KDM4B: variants seen among roughly 807,000 people sequenced by gnomAD.
The protein encoded by KDM4B is lysine-specific demethylase 4B.
A neutral mutation model predicts 125.2 loss-of-function variants in KDM4B; 32 were observed. The ratio of observed to expected loss-of-function variants is 0.26; its 90% CI spans 0.19 to 0.34. The LOEUF (loss-of-function observed/expected upper bound fraction) is 0.34. Among genes scored for constraint, KDM4B ranks in the 10% least tolerant of loss-of-function variants. KDM4B has a pLI of 1.00. For missense variants in KDM4B, 1,190 were observed against 1,577.7 expected, an observed-to-expected ratio of 0.75 and a Z score of 4.16; for synonymous variants, 721 against 677.9, an observed-to-expected ratio of 1.06 and a Z score of -0.99.
chr19:5,060,869 A>G lies in KDM4B; in HGVS notation c.627-10141A>G, dbSNP rs953469426. 2.6e-5 allele frequency among the ~76,000 whole-genome samples: 4 copies of G among 152,226 alleles called. No homozygotes were observed. The South Asian group carries it at 8.3e-4, about 31-fold the overall frequency. On this transcript the variant is annotated intron_variant, in intron 6 of 22. Transcript: ENST00000159111. ...GAAAAACATGGCAAACAACTCGCAC[A>G]TGACTTTGCGTTTTTGGCCTTGTCA...
At chr19:5,089,285 C>G (rs532505232) in intron 9 of KDM4B, among the ~76,000 whole-genome samples, 1 of 152,152 alleles carries the variant, frequency 6.6e-6, no homozygotes, top group African/African-American at 2.4e-5. Flanking sequence ...TCTGGAAGGC[C>G]GTCTGCCATG....
chr19:5,147,047 C>G (rs2039864622), intron 21 of KDM4B, among the ~76,000 whole-genome samples: 1 of 151,894 alleles, frequency 6.6e-6, no homozygotes, highest in Non-Finnish European at 1.5e-5. Flanking sequence ...ACACCCTCCG[C>G]CTGCCCCGGG....
chr19:5,143,863 G>T lies in KDM4B; in HGVS notation c.2551-104G>T. On this transcript the variant is annotated intron_variant, in intron 18 of 22. Transcript: ENST00000159111. The stretch of plus-strand genomic sequence containing the variant: ...CTGGGCAGAGCGCAGGGCCACTCCC[G>T]CGATGCCTCCCTTGAAGGCTGTGCC... 9.6e-6 allele frequency: 9 copies of T among 937,800 alleles called. No individual in the cohort carries two copies. The South Asian group carries it at 1.1e-4, about 12-fold the overall frequency. The allele number at this position is 937,800 out of a possible 1,614,324, so 58.1% of individuals were successfully genotyped here.
chr19:5,040,050 CG>C (rs1261578986), intron 4 of KDM4B, 39 bp downstream of exon 4: 8 of 1,570,346 alleles, frequency 5.1e-6, no homozygotes, highest in Non-Finnish European at 6.9e-6. Flanking sequence ...CCCCCGCCCC[CG>C]GGGGCACACC....
intron 9 of KDM4B, among the ~76,000 whole-genome samples, chr19:5,106,006 A>G (rs1024873013): frequency 2.0e-5 from 3 of 152,240 alleles, no homozygotes; most frequent in African/African-American, 7.2e-5. Flanking sequence ...TACTCCTACA[A>G]TTGAAAGAAC....
chr19:5,025,838 C>T (rs186459404), intron 2 of KDM4B, among the ~76,000 whole-genome samples: 1 of 152,242 alleles, frequency 6.6e-6, no homozygotes, highest in Non-Finnish European at 1.5e-5. Context: ...AAACCAACTT[C>T]ATTTGTCTTT....
At chr19:5,118,335 G>A (rs922874960) in intron 10 of KDM4B, among the ~76,000 whole-genome samples, 1 of 152,250 alleles carries the variant, frequency 6.6e-6, no homozygotes, top group African/African-American at 2.4e-5. Flanking sequence ...GGCGCTCCCA[G>A]CTCTGCCTGA....
At chr19:5,005,886 C>T (rs1020501993) in intron 1 of KDM4B, among the ~76,000 whole-genome samples, 1 of 152,076 alleles carries the variant, frequency 6.6e-6, no homozygotes, top group Non-Finnish European at 1.5e-5. Flanking sequence ...GGGCAGGGGT[C>T]GCCCCTGCAG....
intron 2 of KDM4B, among the ~76,000 whole-genome samples, chr19:5,029,555 G>A (rs531076855): frequency 6.6e-6 from 1 of 152,354 alleles, no homozygotes; most frequent in South Asian, 2.1e-4. Context: ...GGCTGGGCAT[G>A]ATGGCTCATC....
At chr19:5,052,354 G>GGGGTGGGGGTGGGGA (rs561186456) in intron 6 of KDM4B, among the ~76,000 whole-genome samples, 1 of 149,652 alleles carries the variant, frequency 6.7e-6, no homozygotes, top group South Asian at 2.1e-4. Context: ...CCAGACACTG[G>GGGGTGGGGGTGGGGA]GGGTGGGGGT....
At chr19:4,977,817 C>G (rs138861297) in intron 1 of KDM4B, among the ~76,000 whole-genome samples, 95 of 152,274 alleles carry the variant, frequency 6.2e-4, no homozygotes, top group African/African-American at 2.1e-3. Context: ...CCAGCCTCGG[C>G]GCCCTTGGGG....
chr19:5,056,421 T>G (rs1461091383), intron 6 of KDM4B, among the ~76,000 whole-genome samples: 1 of 151,442 alleles, frequency 6.6e-6, no homozygotes, highest in East Asian at 1.9e-4. Context: ...TTTTTTTTTT[T>G]TTGAGATGGA....
At position 5,041,166 on chromosome 19, in the gene KDM4B, A is replaced by G; in HGVS notation, c.347A>G (p.Asp116Gly). 1 of 1,612,614 alleles carries G rather than the reference A, an allele frequency of 6.2e-7. No homozygotes were observed. ...KYCTPRHQDFDDLERKYWKNL... is the reference protein window; with the variant it reads ...KYCTPRHQDFGDLERKYWKNL... ...TGTACCCCGCGGCACCAGGACTTTGATGACCTTGAACGCAAATACTGGAAG... is the reference window on the plus strand; with the variant it reads ...TGTACCCCGCGGCACCAGGACTTTGGTGACCTTGAACGCAAATACTGGAAG... Residue 116 changes from aspartate (D) to glycine (G), a missense_variant, in exon 5 of 23, where the codon GAT becomes GGT. Asp to Gly is a moderately conservative substitution (Grantham distance 94). This residue lies in a region of KDM4B where 139 missense variants were observed against 248.3 expected (regional missense o/e 0.56). Transcript: ENST00000159111.
rs2038306847 is a variant in KDM4B at position 5,081,890 on chromosome 19, G to C, written c.781-477G>C. 6.6e-6 allele frequency among the ~76,000 whole-genome samples: 1 copy of C among 152,220 alleles called. No homozygotes were observed. The highest frequency in any genetic ancestry group is 2.1e-4 in the South Asian group (1 of 4,836). Reference sequence around the variant, plus strand: ...GTCTTCAGAGCACTCTAAAGCTGCTGTCAGCACCACCCGCCCCGAAACCAG... The same window carrying C: ...GTCTTCAGAGCACTCTAAAGCTGCTCTCAGCACCACCCGCCCCGAAACCAG... On this transcript the variant is annotated intron_variant, in intron 8 of 22. Coordinates refer to ENST00000159111, the MANE Select transcript of KDM4B (RefSeq NM_015015.3). The surrounding 1 kb of genome is among the most constrained non-coding windows in gnomAD (Gnocchi z 4.2).
chr19:5,052,273 T>C (rs1197904902), intron 6 of KDM4B, among the ~76,000 whole-genome samples: 1 of 151,206 alleles, frequency 6.6e-6, no homozygotes, highest in Non-Finnish European at 1.5e-5. Flanking sequence ...TTTTGCTTCA[T>C]GGGTGTCCCT....
At chr19:5,029,274 C>T (rs1282138205) in intron 2 of KDM4B, among the ~76,000 whole-genome samples, 2 of 152,180 alleles carry the variant, frequency 1.3e-5, no homozygotes, top group Non-Finnish European at 2.9e-5. Flanking sequence ...CATTCCTTGG[C>T]GTGGCGCCGT....
In KDM4B at chr19:5,114,683, CGGCTCTGAG is replaced by C. The variant is rs568129777; in HGVS notation, c.1115+3871_1115+3879del. Among the ~76,000 whole-genome samples, 587 of 152,142 alleles carry C rather than the reference CGGCTCTGAG, an allele frequency of 3.9e-3. 6 individuals are homozygous for C. The highest frequency in any genetic ancestry group is 6.0e-3 in the Non-Finnish European group (410 of 67,982). ...TGGGCCACTTTGGGTCGGGGGTGGG[CGGCTCTGAG>C]GGCTCAGCCTGGGGCCAGCCTCCCA... is the stretch of plus-strand genomic sequence containing the variant. On this transcript the variant is annotated intron_variant, in intron 10 of 22. Transcript: ENST00000159111. This position sits in a 1 kb window ranked among gnomAD's most constrained non-coding sequence, Gnocchi z 5.8.
chr19:4,998,476 C>T (rs1237378370), intron 1 of KDM4B, among the ~76,000 whole-genome samples: 1 of 152,158 alleles, frequency 6.6e-6, no homozygotes, highest in African/African-American at 2.4e-5. Flanking sequence ...TTAATCCTTT[C>T]CTCTCATTCT....
chr19:5,031,378 A>C (rs2036450633), intron 2 of KDM4B, among the ~76,000 whole-genome samples: 1 of 152,224 alleles, frequency 6.6e-6, no homozygotes, highest in Admixed American at 6.5e-5. Context: ...CTACATTTCT[A>C]GGCTGCACGT....
Sources: gnomAD v4.1 joint callset for allele counts (sites outside exome capture counted in the v4.1 genomes callset) on GRCh38, gnomAD v4.1.1 for gene constraint, gnomAD v4.1.1 regional missense constraint, Gnocchi (gnomAD v3.1) non-coding constraint, MANE v1.5 for transcripts, NCBI Gene and HGNC (gene_info 2026-07-23, HGNC 2026-07-21) for gene names.